CCM2: variants seen among roughly 807,000 people sequenced by gnomAD.
CCM2 encodes CCM2 scaffold protein.
In CCM2, 25 loss-of-function variants were observed where a neutral mutation model predicts 44.9. The observed-to-expected ratio is 0.56, with a 90% CI of 0.41 to 0.78. The LOEUF is 0.78. Among genes scored for constraint, CCM2 ranks in the 30% least tolerant of loss-of-function variants. The pLI is 0.00. For synonymous variants in CCM2, 219 were observed against 241.1 expected, an observed-to-expected ratio of 0.91 and a Z score of 0.85; for missense variants, 481 against 580.6, an observed-to-expected ratio of 0.83 and a Z score of 1.76.
intron 1 of CCM2, among the ~76,000 whole-genome samples, chr7:45,025,254 A>C (rs756858444): frequency 6.6e-6 from 1 of 152,152 alleles, no homozygotes; most frequent in African/African-American, 2.4e-5. Flanking sequence ...ATATGGTTCT[A>C]CTACTGAGAA....
chr7:45,023,409 G>A (rs1796559085), intron 1 of CCM2, among the ~76,000 whole-genome samples: 1 of 152,164 alleles, frequency 6.6e-6, no homozygotes. Context: ...AATTAGCCGG[G>A]TGTGGTGTTG....
intron 7 of CCM2, 198 bp from the exon 8 acceptor site, chr7:45,073,262 C>A: frequency 1.6e-6 from 1 of 625,512 alleles, no homozygotes; most frequent in Admixed American, 2.3e-5. Flanking sequence ...GAGCCATGCC[C>A]CCGGGGAGCC....
intron 2 of CCM2, among the ~76,000 whole-genome samples, chr7:45,042,954 C>T (rs963566657): frequency 7.1e-6 from 1 of 140,352 alleles, no homozygotes; most frequent in East Asian, 2.0e-4. Flanking sequence ...TCTGCTTTCT[C>T]TTCTCTTCTT....
At chr7:45,023,832 C>CA (rs1796584649) in intron 1 of CCM2, among the ~76,000 whole-genome samples, 1 of 83,312 alleles carries the variant, frequency 1.2e-5, no homozygotes, top group South Asian at 4.3e-4. Flanking sequence ...TTTTATGAGA[C>CA]AGAGTTTTGC....
At chr7:45,075,632 A>T in intron 9 of CCM2, 145 bp from the exon 10 acceptor site, 2 of 945,724 alleles carry the variant, frequency 2.1e-6, no homozygotes, top group Non-Finnish European at 3.4e-6. Flanking sequence ...CCAGGATGCT[A>T]GATGCAGTGA....
intron 1 of CCM2, among the ~76,000 whole-genome samples, chr7:45,021,845 TCTC>T: frequency 6.6e-6 from 1 of 152,326 alleles, no homozygotes; most frequent in East Asian, 1.9e-4. Context: ...GAAGCTGTCT[TCTC>T]ACAGTTTTGC....
intron 1 of CCM2, among the ~76,000 whole-genome samples, chr7:45,016,474 C>T (rs941654604): frequency 3.3e-5 from 5 of 150,762 alleles, no homozygotes; most frequent in Admixed American, 6.7e-5. Flanking sequence ...GGATTACTGG[C>T]GCATGCCACC....
At chr7:45,074,222 C>G in intron 8 of CCM2, 48 bp from the exon 9 acceptor site, 1 of 1,612,360 alleles carries the variant, frequency 6.2e-7, no homozygotes, top group Non-Finnish European at 8.5e-7. Flanking sequence ...CGACTGCCGA[C>G]TCTTGCCTAC....
chr7:45,051,568 A>G (rs1282027121), intron 2 of CCM2, among the ~76,000 whole-genome samples: 1 of 130,884 alleles, frequency 7.6e-6, no homozygotes, highest in Non-Finnish European at 1.6e-5. Flanking sequence ...TGGCTAATTT[A>G]TTTATTTATT....
intron 1 of CCM2, among the ~76,000 whole-genome samples, chr7:45,036,594 C>T (rs575083141): frequency 1.3e-4 from 20 of 152,218 alleles, no homozygotes; most frequent in Non-Finnish European, 2.2e-4. Context: ...AGCCACTGGA[C>T]GACCAATTTC....
At chr7:45,046,423 T>C (rs1254924619) in intron 2 of CCM2, among the ~76,000 whole-genome samples, 1 of 151,860 alleles carries the variant, frequency 6.6e-6, no homozygotes, top group Non-Finnish European at 1.5e-5. Flanking sequence ...GGGAGCAAAA[T>C]GAACTAGAAA....
intron 3 of CCM2, among the ~76,000 whole-genome samples, chr7:45,064,251 GA>G (rs1412942240): frequency 6.6e-6 from 1 of 152,214 alleles, no homozygotes; most frequent in Non-Finnish European, 1.5e-5. Flanking sequence ...CCGTAAGTCT[GA>G]ATCTGAAGGC....
chr7:45,075,345 C>G (rs1173418453), intron 9 of CCM2, among the ~76,000 whole-genome samples: 2 of 152,262 alleles, frequency 1.3e-5, no homozygotes, highest in Non-Finnish European at 2.9e-5. Context: ...TGGACTTTGG[C>G]ATGAGGCCTG....
chr7:45,072,712 C>T lies in CCM2; in HGVS notation c.746-14C>T, dbSNP rs1488274875. ...CCCTGAAAGTCATCTTAGTTTTCTG[C>T]ATCTTCCTTACAGATGACTCTTCTA... On this transcript the variant is annotated splice_polypyrimidine_tract_variant and intron_variant, in intron 6 of 9. Transcript: ENST00000258781. 9 of 1,607,254 alleles carry T rather than the reference C, an allele frequency of 5.6e-6. No individual in the cohort carries two copies. The highest frequency in any genetic ancestry group is 7.7e-6 in the Non-Finnish European group (9 of 1,174,310).
At chr7:45,064,397 A>G (rs746767029) in intron 3 of CCM2, 66 bp from the exon 4 acceptor site, 3 of 1,515,890 alleles carry the variant, frequency 2.0e-6, no homozygotes, top group African/African-American at 2.7e-5. Flanking sequence ...CAATATTCTC[A>G]GGAGAAGCGC....
At chr7:45,036,499 CATGATG>C (rs1273272020) in intron 1 of CCM2, among the ~76,000 whole-genome samples, 1 of 152,090 alleles carries the variant, frequency 6.6e-6, no homozygotes, top group Non-Finnish European at 1.5e-5. Flanking sequence ...GAGAGCTGAG[CATGATG>C]GTGGTGGTGG....
intron 2 of CCM2, among the ~76,000 whole-genome samples, chr7:45,052,649 A>G (rs1303640524): frequency 6.6e-6 from 1 of 152,184 alleles, no homozygotes; most frequent in Admixed American, 6.5e-5. Flanking sequence ...CATGTACCCA[A>G]GATTGTTTAT....
chr7:45,048,678 G>C (rs905595078), intron 2 of CCM2, among the ~76,000 whole-genome samples: 2 of 151,922 alleles, frequency 1.3e-5, no homozygotes, highest in East Asian at 3.9e-4. Context: ...CAGGAGATTC[G>C]CTTGAACCCA....
intron 1 of CCM2, among the ~76,000 whole-genome samples, chr7:45,009,371 CT>C (rs1795977996): frequency 1.3e-5 from 2 of 148,472 alleles, no homozygotes; most frequent in Non-Finnish European, 3.0e-5. Context: ...ATACTTGCAC[CT>C]AGATTCTGCC....
Sources: allele counts gnomAD v4.1 joint callset (sites outside exome capture counted in the v4.1 genomes callset), GRCh38; gene constraint gnomAD v4.1.1; transcripts MANE v1.5; gene names NCBI Gene and HGNC (gene_info 2026-07-23, HGNC 2026-07-21).